The following CTNNA3 variants were observed in gnomAD, a reference collection of about 807,000 sequenced individuals.
CTNNA3 encodes the protein catenin alpha-3.
In CTNNA3, 76 loss-of-function variants were observed where a neutral mutation model predicts 95.7. The ratio of observed to expected loss-of-function variants is 0.79; its 90% confidence interval spans 0.66 to 0.96. CTNNA3 has a LOEUF of 0.96. Among genes scored for constraint, CTNNA3 ranks in the 40% least tolerant of loss-of-function variants. The pLI is 0.00. For synonymous variants in CTNNA3, 431 were observed against 374.4 expected (o/e 1.15, Z -1.74); for missense variants, 1,191 against 1,089.8 (o/e 1.09, Z -1.31).
At chr10:67,214,299 C>A (rs1485134983) in intron 6 of CTNNA3, among the ~76,000 whole-genome samples, 1 of 151,544 alleles carries the variant, frequency 6.6e-6, no homozygotes, top group Non-Finnish European at 1.5e-5. Context: ...TCTATGACTA[C>A]ACATTTTTAG....
intron 14 of CTNNA3, among the ~76,000 whole-genome samples, chr10:66,077,556 G>A (rs1001898740): frequency 2.6e-5 from 4 of 151,796 alleles, no homozygotes; most frequent in African/African-American, 9.7e-5. Context: ...TGAGACTCAT[G>A]ACCTCCAGAA....
At chr10:65,973,967 A>C (rs2078160570) in intron 16 of CTNNA3, among the ~76,000 whole-genome samples, 1 of 152,198 alleles carries the variant, frequency 6.6e-6, no homozygotes, top group Non-Finnish European at 1.5e-5. Flanking sequence ...GAAGACATAC[A>C]AGTGGCCAAC....
chr10:65,944,890 A>ATCTATCTATCTATCTT (rs1468556802), intron 17 of CTNNA3, among the ~76,000 whole-genome samples: 2 of 96,434 alleles, frequency 2.1e-5, no homozygotes, highest in African/African-American at 6.3e-5. Flanking sequence ...CTATCTATCT[A>ATCTATCTATCTATCTT]TCTATCTATC....
rs939896994 is a variant in CTNNA3, at chr10:66,990,526, T to C, written c.1047+189791A>G. ...TTGTACATGGATGCCTAGAGAATTA[T>C]GGAAAAAACTAGAAATCATCTAGTT... On this transcript the variant is annotated intron_variant, in intron 7 of 17. Transcript: ENST00000433211. 3.9e-5 allele frequency among the ~76,000 whole-genome samples: 6 copies of C among 152,126 alleles called. No homozygotes were observed. In the East Asian group the frequency reaches 1.2e-3, roughly 29 times the overall value.
intron 9 of CTNNA3, among the ~76,000 whole-genome samples, chr10:66,655,006 G>A (rs1034549504): frequency 2.0e-5 from 3 of 152,014 alleles, no homozygotes; most frequent in African/African-American, 7.2e-5. Flanking sequence ...AGATGAACAT[G>A]TTCAAGAGAT....
intron 1 of CTNNA3, among the ~76,000 whole-genome samples, chr10:67,687,675 G>A (rs1369245318): frequency 6.6e-6 from 1 of 152,164 alleles, no homozygotes; most frequent in African/African-American, 2.4e-5. Context: ...GGCTGATTAG[G>A]TAATAAACTT....
intron 15 of CTNNA3, among the ~76,000 whole-genome samples, chr10:65,998,785 GA>G (rs1361270380): frequency 6.6e-6 from 1 of 152,130 alleles, no homozygotes; most frequent in Non-Finnish European, 1.5e-5. Context: ...GTTATTAGAA[GA>G]AAGTCTTTGT....
At chr10:66,483,733 GT>G (rs1021306317) in intron 11 of CTNNA3, among the ~76,000 whole-genome samples, 9 of 152,200 alleles carry the variant, frequency 5.9e-5, no homozygotes, top group African/African-American at 2.2e-4. Context: ...TCAGGAATAT[GT>G]TAATTTGTCC....
chr10:67,374,260 CTG>C (rs980501264), intron 5 of CTNNA3, among the ~76,000 whole-genome samples: 4 of 152,116 alleles, frequency 2.6e-5, no homozygotes, highest in Non-Finnish European at 4.4e-5. Context: ...GTGGGTGTGA[CTG>C]TGTTCTAATA....
In CTNNA3 at chr10:67,744,724, G is replaced by C. The variant is rs866520068; in HGVS notation, c.-2+18710C>G. 1.4e-5 allele frequency among the ~76,000 whole-genome samples: 2 copies of C among 144,698 alleles called. 1 individual carries two copies. The highest frequency in any genetic ancestry group is 4.5e-4 in the South Asian group (2 of 4,480). 94.9% of individuals were successfully genotyped at this position (144,698 alleles called of 152,430 possible). On this transcript the variant is annotated intron_variant, in intron 1 of 17. Coordinates refer to the CTNNA3 transcript ENST00000684154. ...CATCAGAGTGAACAGGCAACCTACAGAATGGGAGAAAATTTTTGCACCTAC... is the reference window on the plus strand; with the variant it reads ...CATCAGAGTGAACAGGCAACCTACACAATGGGAGAAAATTTTTGCACCTAC...
chr10:66,183,731 T>A (rs2086172205), intron 13 of CTNNA3, among the ~76,000 whole-genome samples: 2 of 152,220 alleles, frequency 1.3e-5, no homozygotes, highest in Admixed American at 1.3e-4. Flanking sequence ...CTTGACATTG[T>A]GACTTTTTTT....
At chr10:67,005,709 G>A (rs1036869312) in intron 7 of CTNNA3, among the ~76,000 whole-genome samples, 212 of 10,342 alleles carry the variant, frequency 0.02, 3 homozygotes, top group African/African-American at 0.029. Context: ...TTTTTGAGAC[G>A]GAGTCTTGAG....
chr10:66,003,666 G>T (rs1388247157), intron 15 of CTNNA3, among the ~76,000 whole-genome samples: 1 of 152,088 alleles, frequency 6.6e-6, no homozygotes, highest in Non-Finnish European at 1.5e-5. Context: ...TTTGATTTTT[G>T]TCTTTAGTAA....
chr10:66,059,351 T>C (rs1222640865), intron 15 of CTNNA3, among the ~76,000 whole-genome samples: 1 of 152,144 alleles, frequency 6.6e-6, no homozygotes, highest in Non-Finnish European at 1.5e-5. Flanking sequence ...TTTCCGTTCT[T>C]TTATTGTCTG....
intron 13 of CTNNA3, among the ~76,000 whole-genome samples, chr10:66,104,645 T>C (rs1285497612): frequency 6.6e-6 from 1 of 152,212 alleles, no homozygotes; most frequent in Non-Finnish European, 1.5e-5. Flanking sequence ...CCACTCTGTA[T>C]GATTCCTTTG....
chr10:67,333,556 G>A (rs2132590455), intron 5 of CTNNA3, among the ~76,000 whole-genome samples: 1 of 152,216 alleles, frequency 6.6e-6, no homozygotes, highest in East Asian at 1.9e-4. Context: ...ACTGTAGACA[G>A]GTCAGATAAT....
chr10:67,379,881 C>T (rs944363898), intron 5 of CTNNA3, among the ~76,000 whole-genome samples: 2 of 151,608 alleles, frequency 1.3e-5, no homozygotes, highest in East Asian at 1.9e-4. Flanking sequence ...ATTAGCCGGG[C>T]GTAGTGGCGG....
intron 11 of CTNNA3, among the ~76,000 whole-genome samples, chr10:66,440,995 A>G (rs1424118074): frequency 6.6e-6 from 1 of 152,118 alleles, no homozygotes; most frequent in East Asian, 1.9e-4. Flanking sequence ...AGTTCCTACT[A>G]TGTACTTCTC....
chr10:66,180,197 CTG>C (rs1052151624), intron 13 of CTNNA3, among the ~76,000 whole-genome samples: 9 of 152,226 alleles, frequency 5.9e-5, no homozygotes, highest in Admixed American at 1.3e-4. Context: ...CAAAAGATCA[CTG>C]TTAGTTCTTT....
Sources: allele counts gnomAD v4.1 joint callset (sites outside exome capture counted in the v4.1 genomes callset), GRCh38; gene constraint gnomAD v4.1.1; transcripts MANE v1.5; gene names NCBI Gene and HGNC (gene_info 2026-07-23, HGNC 2026-07-21).